The following CLRN1 variants were observed in gnomAD, a reference collection of about 807,000 sequenced individuals.
The protein encoded by CLRN1 is clarin-1.
A neutral mutation model predicts 18.7 loss-of-function variants in CLRN1; 15 were observed. The observed-to-expected ratio is 0.80, with a 90% CI of 0.54 to 1.23. The LOEUF is 1.23. Ranked by LOEUF, CLRN1 falls within the 50% of genes most tolerant of loss-of-function variation. CLRN1 has a pLI of 0.00. For missense variants in CLRN1, 311 were observed against 277.5 expected (o/e 1.12, Z -0.86); for synonymous variants, 104 against 102.9 (o/e 1.01, Z -0.07).
At chr3:150,961,101 G>A (rs996163670) in intron 1 of CLRN1, among the ~76,000 whole-genome samples, 11 of 152,246 alleles carry the variant, frequency 7.2e-5, no homozygotes, top group South Asian at 2.1e-4. Flanking sequence ...AAATGGAAGC[G>A]AAAGATCCCA....
intron 1 of CLRN1, chr3:150,943,832 G>T: frequency 6.2e-7 from 1 of 1,614,176 alleles, no homozygotes; most frequent in Non-Finnish European, 8.5e-7. Context: ...GGTTGCTGCT[G>T]CAGGGCCTGC....
rs565419223 is a variant in CLRN1 at position 150,968,438 on chromosome 3, T to C, written c.253+4018A>G. On this transcript the variant is annotated intron_variant, in intron 1 of 2. Coordinates refer to ENST00000327047, the MANE Select transcript of CLRN1 (RefSeq NM_174878.3). ...GCTAGGTATGAATGCTGGTGACCTC[T>C]AGAAAATGAACCACTGACCCATAAG... Among the ~76,000 whole-genome samples the C allele has an allele frequency of 2.6e-5, 4 of 152,302 alleles. No homozygotes were observed. In the East Asian group the frequency reaches 7.7e-4, roughly 29 times the overall value.
At position 150,926,770 on chromosome 3, in the gene CLRN1, T is replaced by C; in HGVS notation, c.*1166A>G. 1 of 1,613,006 alleles carries C rather than the reference T, an allele frequency of 6.2e-7. No individual in the cohort carries two copies. The highest frequency in any genetic ancestry group is 8.5e-7 in the Non-Finnish European group (1 of 1,179,394). On this transcript the variant is annotated 3_prime_UTR_variant, in exon 3 of 3. Transcript: ENST00000327047. Reference sequence around the variant, plus strand: ...ACCTGTGGTCAGAGGCCTAGTGATCTGTTTGCTGTCATTCTCTGCTTTTTC... The same window carrying C: ...ACCTGTGGTCAGAGGCCTAGTGATCCGTTTGCTGTCATTCTCTGCTTTTTC...
chr3:150,944,575 CCAGGCCGGGTGCGGTGGCT>C (rs1473044357), intron 1 of CLRN1, among the ~76,000 whole-genome samples: 1 of 150,328 alleles, frequency 6.7e-6, no homozygotes, highest in African/African-American at 2.4e-5. Context: ...AAAAAAGAAT[CCAGGCCGGGTGCGGTGGCT>C]CACGCCTGTA....
In CLRN1 at chr3:150,972,480, C is replaced by A. The variant is rs752662247; in HGVS notation, c.229G>T (p.Gly77Ter). 6.2e-7 allele frequency: 1 copy of A among 1,614,164 alleles called. No individual in the cohort carries two copies. Among genetic ancestry groups the A allele is most frequent in the Non-Finnish European group, 8.5e-7 (1 of 1,180,042 alleles). ...CATGAGAACCGAAAGGGCCTTGCTC[C>A]CAACCCACACTGCCTCACACCCTCT... ...HGEGVRQCGL[G>*]ARPFRFSFFP... The change falls in exon 1 of 3, where the codon GGA becomes TGA. Residue 77 changes from glycine (G) to a stop codon, truncating the protein, a stop_gained. Transcript: ENST00000327047. LOFTEE classifies it high-confidence loss of function.
intron 1 of CLRN1, among the ~76,000 whole-genome samples, chr3:150,955,385 G>A (rs1225597818): frequency 6.6e-6 from 1 of 152,198 alleles, no homozygotes; most frequent in East Asian, 1.9e-4. Context: ...GAATTTTACT[G>A]TACGTAAATT....
intron 1 of CLRN1, among the ~76,000 whole-genome samples, chr3:150,943,651 CA>C (rs974796312): frequency 6.6e-6 from 1 of 152,230 alleles, no homozygotes; most frequent in African/African-American, 2.4e-5. Flanking sequence ...TGTGGGTACC[CA>C]AAAAGACTGT....
At chr3:150,944,008 A>G (rs1252075945) in intron 1 of CLRN1, 1 of 1,068,066 alleles carries the variant, frequency 9.4e-7, no homozygotes, top group Non-Finnish European at 1.4e-6. Context: ...CAACAACAAG[A>G]TAGTTTCAGA....
At position 150,927,464 on chromosome 3, in the gene CLRN1, G is replaced by T. The variant is rs1167043228; in HGVS notation, c.*472C>A. 1 of 452,708 alleles carries T rather than the reference G, an allele frequency of 2.2e-6. No individual in the cohort carries two copies. Among genetic ancestry groups the T allele is most frequent in the Non-Finnish European group, 4.4e-6 (1 of 226,158 alleles). The allele number at this position is 452,708 out of a possible 1,614,324, so 28.0% of individuals were successfully genotyped here. ...AAACAAATTTTTTAAAATGTGTGTT[G>T]ATACATTTTATAGATGTTCATTTAA... On this transcript the variant is annotated 3_prime_UTR_variant, in exon 3 of 3. Coordinates refer to ENST00000327047, the MANE Select transcript of CLRN1 (RefSeq NM_174878.3).
intron 2 of CLRN1, chr3:150,940,599 C>T: frequency 7.5e-7 from 1 of 1,332,736 alleles, no homozygotes; most frequent in South Asian, 1.4e-5. Context: ...GTTCTGTATC[C>T]CTCCATGAAA....
chr3:150,959,783 T>C (rs1714937222), intron 1 of CLRN1, among the ~76,000 whole-genome samples: 1 of 152,228 alleles, frequency 6.6e-6, no homozygotes, highest in Admixed American at 6.5e-5. Flanking sequence ...TGTCTTACCA[T>C]TCATTTTACT....
rs553383420 is a variant in CLRN1, at chr3:150,936,182, C to T, written c.433+5400G>A. 6.7e-4 allele frequency among the ~76,000 whole-genome samples: 102 copies of T among 152,210 alleles called. No individual in the cohort carries two copies. In the Middle Eastern group the frequency reaches 0.01, roughly 15 times the overall value. On this transcript the variant is annotated intron_variant, in intron 2 of 2. Coordinates refer to ENST00000327047, the MANE Select transcript of CLRN1 (RefSeq NM_174878.3). ...TCAATTTTGGCTTTTGTTGACATTG[C>T]TTTTGGTGTTTTAGACATGAAGTGG...
At chr3:150,964,099 A>G (rs1019042790) in intron 1 of CLRN1, among the ~76,000 whole-genome samples, 9 of 152,240 alleles carry the variant, frequency 5.9e-5, no homozygotes, top group Non-Finnish European at 5.9e-5. Flanking sequence ...CTGCGCAGCA[A>G]AAGAAACTAT....
intron 1 of CLRN1, among the ~76,000 whole-genome samples, chr3:150,967,619 T>C (rs1189094216): frequency 6.6e-6 from 1 of 152,076 alleles, no homozygotes; most frequent in Admixed American, 6.6e-5. Flanking sequence ...ACACAGACCA[T>C]AGGGGGAAAC....
chr3:150,961,336 C>T (rs1047196270), intron 1 of CLRN1, among the ~76,000 whole-genome samples: 1 of 152,160 alleles, frequency 6.6e-6, no homozygotes, highest in Non-Finnish European at 1.5e-5. Context: ...AGGTCCCACC[C>T]CCAGAGATCC....
At chr3:150,945,206 G>A (rs911813766) in intron 1 of CLRN1, among the ~76,000 whole-genome samples, 2 of 152,206 alleles carry the variant, frequency 1.3e-5, no homozygotes, top group African/African-American at 4.8e-5. Context: ...GATGAACCCA[G>A]GGAGAAGCTG....
At chr3:150,972,355 G>C (rs1460953842) in intron 1 of CLRN1, 101 bp downstream of exon 1, 1 of 1,485,926 alleles carries the variant, frequency 6.7e-7, no homozygotes, top group Non-Finnish European at 9.3e-7. Context: ...GATTTAAAAA[G>C]TCCTGCAGTA....
intron 1 of CLRN1, among the ~76,000 whole-genome samples, chr3:150,958,508 C>T (rs1053418219): frequency 2.0e-5 from 3 of 152,222 alleles, no homozygotes; most frequent in Admixed American, 1.3e-4. Context: ...TGTTCTGGTT[C>T]CTGCCTTCCT....
chr3:150,972,887 T>A, upstream of CLRN1: 1 of 787,052 alleles, frequency 1.3e-6, no homozygotes, highest in Non-Finnish European at 2.2e-6. Flanking sequence ...GAAGGCCTCA[T>A]CATCACTCAT....
Sources: gnomAD v4.1 joint callset for allele counts (sites outside exome capture counted in the v4.1 genomes callset) on GRCh38, gnomAD v4.1.1 for gene constraint, MANE v1.5 for transcripts, NCBI Gene and HGNC (gene_info 2026-07-23, HGNC 2026-07-21) for gene names.